Variants in ITIH5 observed in about 807,000 individuals in gnomAD.
ITIH5 encodes inter-alpha-trypsin inhibitor heavy chain 5.
A neutral mutation model predicts 77.5 loss-of-function variants in ITIH5; 65 were observed. The ratio of observed to expected loss-of-function variants is 0.84; its 90% CI spans 0.69 to 1.03. The LOEUF (loss-of-function observed/expected upper bound fraction) is 1.03, where lower values mean the gene tolerates loss of function less well. ITIH5 is among the 50% of genes least tolerant of loss of function. ITIH5 has a pLI of 0.00. For synonymous variants in ITIH5, 525 were observed against 494.3 expected (o/e 1.06, Z -0.82); for missense variants, 1,208 against 1,213.1 (o/e 1.00, Z 0.06).
In ITIH5 at chr10:7,559,954, C is replaced by T. The variant is rs185185286; in HGVS notation, c.*3129G>A. The stretch of plus-strand genomic sequence containing the variant: ...ACAAGTTCCGACTGCCTGGTTCAAG[C>T]GATTCTCCTGCCTCAGCCTCCCAAG... On this transcript the variant is annotated 3_prime_UTR_variant, in exon 14 of 14. Transcript: ENST00000397146. The T allele has an allele frequency of 1.9e-5, 8 of 420,698 alleles. No homozygotes were observed. The highest frequency in any genetic ancestry group is 7.3e-5 in the East Asian group (1 of 13,656). 26.1% of individuals were successfully genotyped at this position (420,698 alleles called of 1,614,324 possible). A position where few individuals can be genotyped will look rare whatever the true frequency, so the allele number is the denominator to read the frequency against.
chr10:7,640,940 G>T (rs1833876113), intron 3 of ITIH5, 85 bp from the exon 4 acceptor site: 11 of 896,326 alleles, frequency 1.2e-5, no homozygotes, highest in Non-Finnish European at 1.9e-5. Context: ...ACAACCCCAG[G>T]AAATATTTTT....
chr10:7,645,650 A>C (rs569869582), intron 2 of ITIH5, among the ~76,000 whole-genome samples: 1 of 152,306 alleles, frequency 6.6e-6, no homozygotes, highest in East Asian at 1.9e-4. Context: ...GAGGAATAAA[A>C]CCTTTGGGTT....
intron 9 of ITIH5, 51 bp from the exon 10 acceptor site, chr10:7,577,063 C>A: frequency 1.3e-6 from 2 of 1,497,522 alleles, no homozygotes; most frequent in Non-Finnish European, 1.8e-6. Flanking sequence ...GCTCTGACAG[C>A]AGGCAGGACA....
intron 2 of ITIH5, among the ~76,000 whole-genome samples, chr10:7,648,453 C>A (rs753027052): frequency 4.6e-5 from 7 of 152,188 alleles, no homozygotes; most frequent in Non-Finnish European, 1.0e-4. Context: ...TGAATGTATT[C>A]TCTGAACTGT....
intron 5 of ITIH5, among the ~76,000 whole-genome samples, chr10:7,631,336 C>T (rs1375543410): frequency 1.3e-5 from 2 of 152,144 alleles, no homozygotes; most frequent in Non-Finnish European, 2.9e-5. Flanking sequence ...TGAAGGCTGA[C>T]GCTAAGCCAG....
chr10:7,583,514 A>G (rs1012063944), intron 8 of ITIH5, among the ~76,000 whole-genome samples: 19 of 152,026 alleles, frequency 1.2e-4, no homozygotes, highest in Middle Eastern at 3.2e-3. Flanking sequence ...TTTGTATTTT[A>G]GTAGAGATGG....
intron 2 of ITIH5, among the ~76,000 whole-genome samples, chr10:7,644,876 T>TATGTATCAC (rs1564278351): frequency 8.0e-5 from 6 of 74,556 alleles, no homozygotes; most frequent in South Asian, 5.4e-4. Flanking sequence ...ATATATCACA[T>TATGTATCAC]ATATATATCA....
intron 5 of ITIH5, chr10:7,618,517 A>C (rs1833413739): frequency 6.6e-6 from 1 of 152,218 alleles, no homozygotes; most frequent in Admixed American, 6.5e-5. Context: ...CTATGTACTT[A>C]GCAATAAAAC....
intron 10 of ITIH5, 110 bp downstream of exon 10, chr10:7,576,343 A>G (rs1832413338): frequency 2.0e-6 from 2 of 981,924 alleles, no homozygotes; most frequent in Non-Finnish European, 2.9e-6. Flanking sequence ...GTTTATAAGT[A>G]TTATAGCAAG....
At chr10:7,572,537 C>G (rs958302891) in intron 11 of ITIH5, 8 of 1,174,720 alleles carry the variant, frequency 6.8e-6, no homozygotes, top group Non-Finnish European at 6.5e-6. Flanking sequence ...CTTCTAAACT[C>G]AATGAGGGTC....
At chr10:7,612,472 G>A (rs1833266559) in intron 7 of ITIH5, among the ~76,000 whole-genome samples, 1 of 152,092 alleles carries the variant, frequency 6.6e-6, no homozygotes, top group African/African-American at 2.4e-5. Flanking sequence ...TTAGAATCAG[G>A]TTTTTAAAGA....
chr10:7,601,144 C>T (rs1389728660), intron 7 of ITIH5, among the ~76,000 whole-genome samples: 2 of 152,272 alleles, frequency 1.3e-5, no homozygotes, highest in Admixed American at 1.3e-4. Flanking sequence ...ACTTATCCAT[C>T]TTTCTTGAAA....
At chr10:7,570,029 T>C (rs1328836455) in intron 11 of ITIH5, 1 of 391,278 alleles carries the variant, frequency 2.6e-6, no homozygotes, top group Non-Finnish European at 4.6e-6. Context: ...ATAATGCTCC[T>C]TTCAACACAC....
chr10:7,607,196 ACTGTGGCTCAGGGGCC>A (rs1307186689), intron 7 of ITIH5, among the ~76,000 whole-genome samples: 1 of 152,206 alleles, frequency 6.6e-6, no homozygotes, highest in Non-Finnish European at 1.5e-5. Context: ...GTGTCAGCAA[ACTGTGGCTCAGGGGCC>A]CTGCTGCTGC....
At chr10:7,598,055 C>T (rs1013420861) in intron 7 of ITIH5, among the ~76,000 whole-genome samples, 2 of 152,006 alleles carry the variant, frequency 1.3e-5, no homozygotes, top group African/African-American at 4.8e-5. Context: ...CAAAACATTA[C>T]AAAAGAATGC....
intron 10 of ITIH5, among the ~76,000 whole-genome samples, chr10:7,576,159 A>G (rs1832409171): frequency 6.6e-6 from 1 of 152,008 alleles, no homozygotes; most frequent in African/African-American, 2.4e-5. Context: ...TGAGTAGCTG[A>G]GACTACAGGC....
intron 2 of ITIH5, among the ~76,000 whole-genome samples, chr10:7,651,301 C>T (rs1273084122): frequency 1.3e-5 from 2 of 152,036 alleles, no homozygotes; most frequent in African/African-American, 2.4e-5. Flanking sequence ...TCATGCACCT[C>T]GGCTGGGCAC....
In ITIH5 at chr10:7,637,467, G is replaced by A; in HGVS notation, c.413C>T (p.Thr138Ile). 6.2e-7 allele frequency: 1 copy of A among 1,613,908 alleles called. No homozygotes were observed. Among genetic ancestry groups the A allele is most frequent in the South Asian group, 1.1e-5 (1 of 91,068 alleles). The stretch of plus-strand genomic sequence containing the variant: ...CACTGCAGAAGCTCTGAATATTTCA[G>A]TCCCCTTCTCTCTGTCAGGAAAAAG... ...KTTEENGEKGTEIFRASAVIP... is the reference protein window; with the variant it reads ...KTTEENGEKGIEIFRASAVIP... Residue 138 changes from threonine to isoleucine, a missense_variant, in exon 5 of 14, where the codon ACT (threonine) becomes ATT (isoleucine). Thr to Ile is a moderately conservative substitution (Grantham distance 89, BLOSUM62 -1). Transcript: ENST00000397146.
intron 5 of ITIH5, among the ~76,000 whole-genome samples, chr10:7,632,888 A>G (rs1222266410): frequency 6.6e-6 from 1 of 152,208 alleles, no homozygotes; most frequent in Non-Finnish European, 1.5e-5. Flanking sequence ...CTTGTCATAA[A>G]TGAAAATTTT....
Sources: allele counts gnomAD v4.1 joint callset (sites outside exome capture counted in the v4.1 genomes callset), GRCh38; gene constraint gnomAD v4.1.1; transcripts MANE v1.5; gene names NCBI Gene and HGNC (gene_info 2026-07-23, HGNC 2026-07-21).